The following HAT1 variants were observed in gnomAD, a reference collection of about 807,000 sequenced individuals.
The protein encoded by HAT1 is histone acetyltransferase 1, also known as histone acetyltransferase type B catalytic subunit.
Under a neutral mutation model 56.6 loss-of-function variants are expected in HAT1, and 20 were observed. The ratio of observed to expected loss-of-function variants is 0.35; its 90% CI spans 0.25 to 0.51. The LOEUF (loss-of-function observed/expected upper bound fraction) is 0.51, where lower values mean the gene tolerates loss of function less well. Among genes scored for constraint, HAT1 ranks in the 20% least tolerant of loss-of-function variants. The pLI, the probability that HAT1 is intolerant of heterozygous loss-of-function variation, is 0.95. For synonymous variants in HAT1, 146 were observed against 165.5 expected (o/e 0.88, Z 0.91); for missense variants, 408 against 504.3 (o/e 0.81, Z 1.83).
chr2:171,932,691 G>C (rs1255887770), intron 2 of HAT1, among the ~76,000 whole-genome samples: 1 of 152,028 alleles, frequency 6.6e-6, no homozygotes, highest in East Asian at 1.9e-4. Context: ...AATATAATGA[G>C]ATCTCAACAA....
chr2:171,966,924 A>G lies in HAT1; in HGVS notation c.798A>G (p.Glu266=). 6.5e-7 allele frequency: 1 copy of G among 1,543,838 alleles called. No homozygotes were observed. Among genetic ancestry groups the G allele is most frequent in the Non-Finnish European group, 8.9e-7 (1 of 1,117,916 alleles). ...LLETVHRYYT[E]FPTVLDITAE... is the part of the protein sequence containing the mutation. ...AAACAGTTCATAGATACTACACTGA[A>G]TTTCCTACAGTTCTTGATATTACAG... The change falls in exon 8 of 11, where the codon GAA becomes GAG. Residue 266 remains glutamate (E), a synonymous_variant. Coordinates refer to ENST00000264108, the MANE Select transcript of HAT1 (RefSeq NM_003642.4).
chr2:171,976,487 G>A (rs1687969847), intron 9 of HAT1, among the ~76,000 whole-genome samples, 179 bp downstream of exon 9: 2 of 152,120 alleles, frequency 1.3e-5, no homozygotes, highest in Admixed American at 1.3e-4. Context: ...CACTTGCTCT[G>A]TGATTTATGG....
chr2:171,934,866 C>T (rs1455514818), intron 2 of HAT1, among the ~76,000 whole-genome samples: 1 of 150,534 alleles, frequency 6.6e-6, no homozygotes, highest in Non-Finnish European at 1.5e-5. Flanking sequence ...AGTGCTTCTC[C>T]TGCCTCAGCC....
intron 4 of HAT1, among the ~76,000 whole-genome samples, chr2:171,954,712 A>G (rs998940635): frequency 2.0e-5 from 3 of 152,224 alleles, no homozygotes; most frequent in African/African-American, 7.2e-5. Flanking sequence ...ATGAGTATGC[A>G]TCTGTGGTAG....
rs780572505 is a variant in HAT1, at chr2:171,965,817, T to C, written c.520T>C (p.Tyr174His). ...ADMTCRGFRE[Y>H]HERLQTFLMW... ...CATGACATGTAGAGGCTTTCGAGAA[T>C]ATCATGAAAGGCTTCAGACCTTTTT... Residue 174 changes from tyrosine to histidine, a missense_variant, in exon 6 of 11, where the codon TAT becomes CAT. Transcript: ENST00000264108. The C allele has an allele frequency of 6.2e-7, 1 of 1,613,144 alleles. No homozygotes were observed.
chr2:171,941,570 C>T, intron 2 of HAT1, among the ~76,000 whole-genome samples: 1 of 152,208 alleles, frequency 6.6e-6, no homozygotes, highest in East Asian at 1.9e-4. Flanking sequence ...CTCAGATCAT[C>T]AGGCATTAGA....
chr2:171,965,529 TCTAA>T lies in HAT1; in HGVS notation c.489+13_489+16del. 6.8e-7 allele frequency: 1 copy of T among 1,475,232 alleles called. No homozygotes were observed. The highest frequency in any genetic ancestry group is 9.3e-7 in the Non-Finnish European group (1 of 1,076,036). The allele number at this position is 1,475,232 out of a possible 1,614,324, so 91.4% of individuals were successfully genotyped here. On this transcript the variant is annotated intron_variant, in intron 5 of 10. Transcript: ENST00000264108. Reference sequence around the variant, plus strand: ...TTCAGATATATAAGGTAAAGATAAATCTAAATATTTATTGAGTAAAGTTCTATTT... The same window carrying T: ...TTCAGATATATAAGGTAAAGATAAATATATTTATTGAGTAAAGTTCTATTT...
rs1574039412 is a variant in HAT1, at chr2:171,938,076, T to TC, written c.113-8632_113-8631insC. ...TCTCTCTCTCTCTCTCTCTCTCTCT[T>TC]TAAATGAACTGTAAGAGTAGAAACA... On this transcript the variant is annotated intron_variant, in intron 2 of 10. Transcript: ENST00000264108. 3.5e-3 allele frequency among the ~76,000 whole-genome samples: 225 copies of TC among 63,676 alleles called. 3 individuals are homozygous for TC. The highest frequency in any genetic ancestry group is 0.022 in the Middle Eastern group (3 of 138). 41.8% of individuals were successfully genotyped at this position (63,676 alleles called of 152,430 possible). A position where few individuals can be genotyped will look rare whatever the true frequency, so the allele number is the denominator to read the frequency against.
chr2:171,942,941 C>T (rs2105315845), intron 2 of HAT1, among the ~76,000 whole-genome samples: 1 of 152,094 alleles, frequency 6.6e-6, no homozygotes, highest in Non-Finnish European at 1.5e-5. Context: ...CCCATCACTA[C>T]CAAAATGTCA....
chr2:171,970,536 T>C (rs1193581583), intron 8 of HAT1, among the ~76,000 whole-genome samples: 1 of 61,750 alleles, frequency 1.6e-5, no homozygotes, highest in African/African-American at 4.8e-5. Flanking sequence ...TTTTTTTTTT[T>C]TGAGACGGAG....
intron 8 of HAT1, among the ~76,000 whole-genome samples, chr2:171,967,614 C>T (rs1219920460): frequency 6.6e-6 from 1 of 151,996 alleles, no homozygotes; most frequent in African/African-American, 2.4e-5. Context: ...GTGTGATCCA[C>T]CAAAAAACAA....
chr2:171,927,405 G>T lies in HAT1; in HGVS notation c.112+1764G>T, dbSNP rs568653478. On this transcript the variant is annotated intron_variant, in intron 2 of 10. Coordinates refer to ENST00000264108, the MANE Select transcript of HAT1 (RefSeq NM_003642.4). ...ATGCAGAAAATACTTGGTAAGGGCTGAGTGGAGTGACTGGATGTGGTTGCT... is the reference window on the plus strand; with the variant it reads ...ATGCAGAAAATACTTGGTAAGGGCTTAGTGGAGTGACTGGATGTGGTTGCT... Among the ~76,000 whole-genome samples, 91 of 152,166 alleles carry T rather than the reference G, an allele frequency of 6.0e-4. 1 individual carries two copies. Among genetic ancestry groups the T allele is most frequent in the African/African-American group, 2.1e-3 (85 of 41,436 alleles).
chr2:171,981,354 G>A, intron 10 of HAT1, among the ~76,000 whole-genome samples: 1 of 152,152 alleles, frequency 6.6e-6, no homozygotes, highest in East Asian at 1.9e-4. Context: ...TGACCAAGTT[G>A]ATTCTACATT....
chr2:171,926,491 C>T (rs1159340239), intron 2 of HAT1, among the ~76,000 whole-genome samples: 1 of 151,920 alleles, frequency 6.6e-6, no homozygotes, highest in Non-Finnish European at 1.5e-5. Flanking sequence ...GACGGTTTCT[C>T]CATGTTGGTC....
intron 1 of HAT1, chr2:171,924,628 T>C (rs1325130297): frequency 2.0e-5 from 3 of 152,234 alleles, no homozygotes; most frequent in African/African-American, 4.8e-5. Context: ...ATTGTGCCAG[T>C]AGCTCACAGT....
chr2:171,943,256 G>C (rs891458675), intron 2 of HAT1, among the ~76,000 whole-genome samples: 9 of 150,716 alleles, frequency 6.0e-5, no homozygotes, highest in African/African-American at 9.8e-5. Context: ...ACAAAAATTA[G>C]CTGGGCGCTA....
At chr2:171,973,031 T>G (rs1687858497) in intron 8 of HAT1, among the ~76,000 whole-genome samples, 2 of 152,170 alleles carry the variant, frequency 1.3e-5, no homozygotes. Flanking sequence ...CCTTTGTACT[T>G]TTGTTGGCAG....
intron 2 of HAT1, among the ~76,000 whole-genome samples, chr2:171,926,338 G>T (rs1483893235): frequency 6.6e-6 from 1 of 152,146 alleles, no homozygotes; most frequent in Non-Finnish European, 1.5e-5. Context: ...TTGTTGCCCA[G>T]GCTGGAGTGC....
chr2:171,949,654 A>G (rs571276234), intron 3 of HAT1, among the ~76,000 whole-genome samples: 20 of 151,616 alleles, frequency 1.3e-4, no homozygotes, highest in South Asian at 4.2e-4. Context: ...AGCCTGGGCA[A>G]CAGAGTGAGA....
Sources: allele counts gnomAD v4.1 joint callset (sites outside exome capture counted in the v4.1 genomes callset), GRCh38; gene constraint gnomAD v4.1.1; transcripts MANE v1.5; gene names NCBI Gene and HGNC (gene_info 2026-07-23, HGNC 2026-07-21).